Variants in ID4 observed in about 807,000 individuals in gnomAD.
ID4 encodes DNA-binding protein inhibitor ID-4.
A neutral mutation model predicts 8.6 loss-of-function variants in ID4; 9 were observed. The ratio of observed to expected loss-of-function variants is 1.04; its 90% CI spans 0.63 to 1.82. The LOEUF is 1.82. ID4 is among the 40% of genes most tolerant of loss of function. The probability of loss-of-function intolerance (pLI) is 0.00; values close to 1 mark genes in which losing one functional copy is unlikely to be tolerated. For missense variants in ID4, 270 were observed against 235.1 expected (o/e 1.15, Z -0.97); for synonymous variants, 180 against 118.0 (o/e 1.53, Z -3.41).
At chr6:19,838,253 G>GT in intron 1 of ID4, 58 bp downstream of exon 1, 1 of 1,296,120 alleles carries the variant, frequency 7.7e-7, no homozygotes, top group Non-Finnish European at 9.8e-7. Flanking sequence ...GGTTGGTGGC[G>GT]TGGTGGCGGG....
In ID4 at chr6:19,839,534, TC is replaced by T. The variant is rs1425475316; in HGVS notation, c.*341del. ...TGATAAATAGAAGATCAAGAGTAGA[TC>T]CGACTTTAGAAGCCTACTTTGTGAC... On this transcript the variant is annotated 3_prime_UTR_variant, in exon 3 of 3. Transcript: ENST00000378700. The T allele has an allele frequency of 6.6e-6, 1 of 152,642 alleles. No homozygotes were observed. Among genetic ancestry groups the T allele is most frequent in the African/African-American group, 2.4e-5 (1 of 41,462 alleles). The allele number at this position is 152,642 out of a possible 1,614,324, so 9.5% of individuals were successfully genotyped here.
rs762623831 is a variant in ID4, at chr6:19,838,122, C to T, written c.368C>T (p.Pro123Leu). ...CTGAGGCAGCCACCACCGCCCGCGC[C>T]GCCACACCACCCGGCCGGGACCTGT... is the stretch of plus-strand genomic sequence containing the variant. ...ALLRQPPPPA[P>L]PHHPAGTCPA... Residue 123 changes from proline (P) to leucine (L), a missense_variant, in exon 1 of 3, where the codon CCG becomes CTG. Around this residue, in one of 3 missense-constraint regions of ID4, gnomAD observed 107 missense variants for 81.0 expected, o/e 1.32. Coordinates refer to ENST00000378700, the MANE Select transcript of ID4 (RefSeq NM_001546.4). 2 of 1,584,036 alleles carry T rather than the reference C, an allele frequency of 1.3e-6. No individual in the cohort carries two copies. The highest frequency in any genetic ancestry group is 8.6e-7 in the Non-Finnish European group (1 of 1,166,598).
At position 19,838,993 on chromosome 6, in the gene ID4, G is replaced by C. The variant is rs1469083267; in HGVS notation, c.*15-217G>C. 1.6e-5 allele frequency: 4 copies of C among 253,988 alleles called. No homozygotes were observed. In the East Asian group the frequency reaches 2.8e-4, roughly 18 times the overall value. 15.7% of individuals were successfully genotyped at this position (253,988 alleles called of 1,614,324 possible). A position where few individuals can be genotyped will look rare whatever the true frequency, so the allele number is the denominator to read the frequency against. ...CCCGTGCAGTCTGTCACCCACAAAGGGGGACGCGGGCAGGGCGCCGGAGTG... is the reference window on the plus strand; with the variant it reads ...CCCGTGCAGTCTGTCACCCACAAAGCGGGACGCGGGCAGGGCGCCGGAGTG... On this transcript the variant is annotated intron_variant, in intron 2 of 2. Coordinates refer to ENST00000378700, the MANE Select transcript of ID4 (RefSeq NM_001546.4).
At chr6:19,838,919 T>G (rs915193624) in intron 2 of ID4, 22 of 475,516 alleles carry the variant, frequency 4.6e-5, no homozygotes, top group Middle Eastern at 5.7e-4. Context: ...CCTTCCCTAG[T>G]TCCCGAGGGA....
rs1017635727 is a variant in ID4, at chr6:19,838,321, C to G, written c.441+126C>G. 1.9e-4 allele frequency: 200 copies of G among 1,047,728 alleles called. No individual in the cohort carries two copies. The Admixed American group carries it at 3.2e-3, about 17-fold the overall frequency. 64.9% of individuals were successfully genotyped at this position (1,047,728 alleles called of 1,614,324 possible). A position where few individuals can be genotyped will look rare whatever the true frequency, so the allele number is the denominator to read the frequency against. On this transcript the variant is annotated intron_variant, in intron 1 of 2. Transcript: ENST00000378700. ...GGGCCAGGAATGACAGCCCCCTCCC[C>G]CTGCTCCTCCGGGCTCCCCCGGGCC... is the stretch of plus-strand genomic sequence containing the variant.
At chr6:19,838,380 C>A (rs900591798) in intron 1 of ID4, among the ~76,000 whole-genome samples, 185 bp downstream of exon 1, 1 of 152,072 alleles carries the variant, frequency 6.6e-6, no homozygotes, top group African/African-American at 2.4e-5. Context: ...GAGCGCGGGT[C>A]CGGGAGAACG....
Sources: allele counts gnomAD v4.1 joint callset (sites outside exome capture counted in the v4.1 genomes callset), GRCh38; gene constraint gnomAD v4.1.1; regional missense constraint gnomAD v4.1.1; transcripts MANE v1.5; gene names NCBI Gene and HGNC (gene_info 2026-07-23, HGNC 2026-07-21).